Variants in NT5E observed in about 807,000 individuals in gnomAD.
NT5E encodes the protein 5'-nucleotidase ecto.
A neutral mutation model predicts 55.1 loss-of-function variants in NT5E; 53 were observed. The ratio of observed to expected loss-of-function variants is 0.96; its 90% CI spans 0.77 to 1.21. The LOEUF is 1.21. NT5E is among the 50% of genes most tolerant of loss of function. NT5E has a pLI of 0.00. For synonymous variants in NT5E, 270 were observed against 278.4 expected (o/e 0.97, Z 0.30); for missense variants, 683 against 724.3 (o/e 0.94, Z 0.65).
chr6:85,486,549 A>G (rs1363290911), intron 4 of NT5E, among the ~76,000 whole-genome samples: 2 of 152,108 alleles, frequency 1.3e-5, no homozygotes, highest in African/African-American at 4.8e-5. Context: ...TCCCAGAGCT[A>G]TGAACATCTG....
chr6:85,474,425 G>C (rs1312413999), intron 3 of NT5E, among the ~76,000 whole-genome samples: 1 of 152,202 alleles, frequency 6.6e-6, no homozygotes, highest in African/African-American at 2.4e-5. Context: ...TTTAGTTAAT[G>C]ATGAAGGACT....
chr6:85,492,587 G>C (rs1483797003), intron 8 of NT5E, among the ~76,000 whole-genome samples: 2 of 152,162 alleles, frequency 1.3e-5, no homozygotes, highest in Admixed American at 1.3e-4. Context: ...TCAGGTAGAA[G>C]TGGATGGGGT....
chr6:85,477,242 G>T (rs950320815), intron 3 of NT5E, among the ~76,000 whole-genome samples: 1 of 152,050 alleles, frequency 6.6e-6, no homozygotes, highest in Non-Finnish European at 1.5e-5. Context: ...ACTGTGTCGC[G>T]GCTGACACAT....
chr6:85,483,229 T>C (rs1305854449), intron 3 of NT5E, among the ~76,000 whole-genome samples: 1 of 152,262 alleles, frequency 6.6e-6, no homozygotes, highest in Non-Finnish European at 1.5e-5. Context: ...TCCTGATATC[T>C]GCAACTAGTG....
At chr6:85,472,653 TTATAAACTATAAATAGCTA>T in intron 3 of NT5E, among the ~76,000 whole-genome samples, 1 of 152,344 alleles carries the variant, frequency 6.6e-6, no homozygotes, top group South Asian at 2.1e-4. Context: ...TGAAAGCAGT[TTATAAACTATAAATAGCTA>T]TATTCTGGTA....
At chr6:85,455,128 T>A (rs1031197907) in intron 1 of NT5E, among the ~76,000 whole-genome samples, 2 of 152,184 alleles carry the variant, frequency 1.3e-5, no homozygotes, top group African/African-American at 4.8e-5. Flanking sequence ...AAGACCACTG[T>A]GGTATAATAA....
At chr6:85,483,367 C>CCAGG (rs2127723886) in intron 3 of NT5E, among the ~76,000 whole-genome samples, 1 of 152,322 alleles carries the variant, frequency 6.6e-6, no homozygotes, top group South Asian at 2.1e-4. Context: ...GAAATAAAAA[C>CCAGG]CAGGCACCAG....
At chr6:85,486,018 G>A (rs1182030358) in intron 4 of NT5E, among the ~76,000 whole-genome samples, 2 of 152,168 alleles carry the variant, frequency 1.3e-5, no homozygotes, top group East Asian at 3.9e-4. Flanking sequence ...CTGCCTTCTG[G>A]TCCTGCGGTG....
intron 2 of NT5E, 29 bp downstream of exon 2, chr6:85,467,311 C>T: frequency 2.6e-6 from 4 of 1,563,748 alleles, no homozygotes; most frequent in Non-Finnish European, 3.5e-6. Flanking sequence ...GCACTCAATG[C>T]TTGAAAATAG....
At chr6:85,474,124 C>T (rs1340418404) in intron 3 of NT5E, among the ~76,000 whole-genome samples, 1 of 152,178 alleles carries the variant, frequency 6.6e-6, no homozygotes, top group Non-Finnish European at 1.5e-5. Context: ...CATGGATGCT[C>T]AAGTCCCTTA....
In NT5E at chr6:85,450,223, G is replaced by A. The variant is rs781406056; in HGVS notation, c.84G>A (p.Glu28=). Residue 28 remains glutamate, a synonymous_variant, in exon 1 of 9, where the codon GAG becomes GAA. Coordinates refer to ENST00000257770, the MANE Select transcript of NT5E (RefSeq NM_002526.4). This position sits in a 1 kb window ranked among gnomAD's most constrained non-coding sequence, Gnocchi z 4.0. ...AVLWPAAGAW[E]LTILHTNDVH... ...TGTGGCCTGCGGCTGGCGCCTGGGA[G>A]CTTACGATTTTGCACACCAACGACG... 2.5e-6 allele frequency: 4 copies of A among 1,609,476 alleles called. No individual in the cohort carries two copies. The Admixed American group carries it at 6.7e-5, about 27-fold the overall frequency.
At chr6:85,480,227 G>C (rs1769517108) in intron 3 of NT5E, among the ~76,000 whole-genome samples, 1 of 152,190 alleles carries the variant, frequency 6.6e-6, no homozygotes, top group African/African-American at 2.4e-5. Flanking sequence ...GATTTCATGA[G>C]GGCTTTGTGC....
intron 1 of NT5E, among the ~76,000 whole-genome samples, chr6:85,458,376 T>C (rs1769028139): frequency 6.6e-6 from 1 of 152,194 alleles, no homozygotes; most frequent in Non-Finnish European, 1.5e-5. Flanking sequence ...CTGCTTCCTC[T>C]TTTTCAGTCT....
chr6:85,461,548 GA>G (rs1334704206), intron 1 of NT5E, among the ~76,000 whole-genome samples: 1 of 152,196 alleles, frequency 6.6e-6, no homozygotes, highest in East Asian at 1.9e-4. Flanking sequence ...GGTGTCTCCA[GA>G]TATATAAAGC....
chr6:85,495,325 G>A lies in NT5E; in HGVS notation c.*1321G>A, dbSNP rs959882168. The A allele has an allele frequency of 9.2e-5, 14 of 152,230 alleles. No individual in the cohort carries two copies. Among genetic ancestry groups the A allele is most frequent in the African/African-American group, 3.1e-4 (13 of 41,456 alleles). 9.4% of individuals were successfully genotyped at this position (152,230 alleles called of 1,614,324 possible). On this transcript the variant is annotated 3_prime_UTR_variant, in exon 9 of 9. Coordinates refer to ENST00000257770, the MANE Select transcript of NT5E (RefSeq NM_002526.4). ...CAAAGAACAAATACTTAACGTGGGAGTGGAACCACATGAGCCTGCTCAGCT... is the reference window on the plus strand; with the variant it reads ...CAAAGAACAAATACTTAACGTGGGAATGGAACCACATGAGCCTGCTCAGCT...
chr6:85,469,436 A>G (rs1236679621), intron 2 of NT5E, among the ~76,000 whole-genome samples: 1 of 151,194 alleles, frequency 6.6e-6, no homozygotes, highest in African/African-American at 2.4e-5. Context: ...TGCCCACTGG[A>G]GCTTACATAT....
intron 3 of NT5E, among the ~76,000 whole-genome samples, chr6:85,475,896 G>A (rs1769424782): frequency 6.6e-6 from 1 of 152,122 alleles, no homozygotes; most frequent in Non-Finnish European, 1.5e-5. Context: ...CATAGAGCCT[G>A]AAAGCTTACT....
intron 1 of NT5E, among the ~76,000 whole-genome samples, chr6:85,454,868 A>T (rs545166642): frequency 4.6e-5 from 7 of 152,176 alleles, no homozygotes; most frequent in Non-Finnish European, 1.0e-4. Context: ...TATAAAATAG[A>T]AGTTTGAACC....
intron 1 of NT5E, among the ~76,000 whole-genome samples, chr6:85,457,982 G>A (rs1769020519): frequency 6.6e-6 from 1 of 152,158 alleles, no homozygotes; most frequent in Admixed American, 6.5e-5. Flanking sequence ...GATCTGGTCT[G>A]TAGAAGAAGA....
Sources: gnomAD v4.1 joint callset for allele counts (sites outside exome capture counted in the v4.1 genomes callset) on GRCh38, gnomAD v4.1.1 for gene constraint, Gnocchi (gnomAD v3.1) non-coding constraint, MANE v1.5 for transcripts, NCBI Gene and HGNC (gene_info 2026-07-23, HGNC 2026-07-21) for gene names.